Variants in PTPRG observed in about 807,000 individuals in gnomAD.
The protein encoded by PTPRG is receptor-type tyrosine-protein phosphatase gamma.
A neutral mutation model predicts 165.3 loss-of-function variants in PTPRG; 102 were observed. The ratio of observed to expected loss-of-function variants is 0.62; its 90% CI spans 0.53 to 0.73. The LOEUF (loss-of-function observed/expected upper bound fraction) is 0.73, where lower values mean the gene tolerates loss of function less well. PTPRG is among the 30% of genes least tolerant of loss of function. The pLI is 0.00. For missense variants in PTPRG, 1,866 were observed against 1,861.4 expected, an observed-to-expected ratio of 1.00 and a Z score of -0.05; for synonymous variants, 675 against 669.5, an observed-to-expected ratio of 1.01 and a Z score of -0.13.
At chr3:61,759,109 A>G (rs2033742221) in intron 2 of PTPRG, among the ~76,000 whole-genome samples, 2 of 151,974 alleles carry the variant, frequency 1.3e-5, no homozygotes, top group Non-Finnish European at 2.9e-5. Context: ...TCAGCTGGTA[A>G]TCTCCTATGA....
intron 2 of PTPRG, among the ~76,000 whole-genome samples, chr3:61,985,390 C>G (rs1399851549): frequency 6.6e-6 from 1 of 152,204 alleles, no homozygotes; most frequent in African/African-American, 2.4e-5. Flanking sequence ...ATTGCCTAGT[C>G]AGTTTCTTGA....
chr3:62,123,593 A>G (rs1703162982), intron 5 of PTPRG, among the ~76,000 whole-genome samples: 1 of 152,156 alleles, frequency 6.6e-6, no homozygotes, highest in African/African-American at 2.4e-5. Context: ...TTTTGTATAA[A>G]AGGGTTACGT....
chr3:61,659,564 G>A (rs1487622950), intron 1 of PTPRG: 1 of 640,780 alleles, frequency 1.6e-6, no homozygotes, highest in Non-Finnish European at 1.9e-6. Context: ...CACTTTCTTG[G>A]TAACCTTTGA....
At chr3:61,822,446 G>C (rs2035982146) in intron 2 of PTPRG, among the ~76,000 whole-genome samples, 1 of 152,130 alleles carries the variant, frequency 6.6e-6, no homozygotes, top group Non-Finnish European at 1.5e-5. Context: ...TTTATTTGCA[G>C]TAATTCACTA....
At chr3:61,617,415 C>G (rs1701327499) in intron 1 of PTPRG, among the ~76,000 whole-genome samples, 2 of 152,156 alleles carry the variant, frequency 1.3e-5, no homozygotes, top group Non-Finnish European at 2.9e-5. Context: ...GTGTACAGGC[C>G]ATTTATAAGG....
At chr3:61,662,241 A>C (rs1284717357) in intron 1 of PTPRG, among the ~76,000 whole-genome samples, 2 of 152,222 alleles carry the variant, frequency 1.3e-5, no homozygotes, top group Admixed American at 1.3e-4. Flanking sequence ...AATAAGGTTG[A>C]AGTGATAGTG....
intron 3 of PTPRG, among the ~76,000 whole-genome samples, chr3:61,999,901 T>C (rs2041129586): frequency 6.6e-6 from 1 of 152,230 alleles, no homozygotes; most frequent in African/African-American, 2.4e-5. Flanking sequence ...TATGATTTTC[T>C]TTTCTTTGAT....
chr3:61,681,300 A>G (rs1703433556), intron 1 of PTPRG, among the ~76,000 whole-genome samples: 1 of 152,194 alleles, frequency 6.6e-6, no homozygotes, highest in Non-Finnish European at 1.5e-5. Flanking sequence ...CCCAACCACA[A>G]AACTTGCTCA....
intron 1 of PTPRG, among the ~76,000 whole-genome samples, chr3:61,567,965 CAAAAA>C (rs11451025): frequency 1.6e-5 from 2 of 124,252 alleles, no homozygotes; most frequent in Non-Finnish European, 3.3e-5. Flanking sequence ...GACCCTGCCT[CAAAAA>C]AAAAAAAAAA....
chr3:62,031,427 C>T (rs1699766559), intron 4 of PTPRG, among the ~76,000 whole-genome samples: 1 of 152,074 alleles, frequency 6.6e-6, no homozygotes, highest in Non-Finnish European at 1.5e-5. Flanking sequence ...TTGCAGAAGT[C>T]TCGGATGGCT....
chr3:62,008,106 C>G (rs536308139), intron 4 of PTPRG, among the ~76,000 whole-genome samples: 22 of 152,160 alleles, frequency 1.4e-4, no homozygotes, highest in Non-Finnish European at 2.8e-4. Context: ...GTATCCTAAA[C>G]TTTTTTCCTA....
chr3:61,945,408 A>T (rs2039732111), intron 2 of PTPRG, among the ~76,000 whole-genome samples: 2 of 151,810 alleles, frequency 1.3e-5, no homozygotes, highest in Admixed American at 1.3e-4. Flanking sequence ...GAAAATACAA[A>T]ATTAGGTGGG....
intron 8 of PTPRG, among the ~76,000 whole-genome samples, chr3:62,189,057 C>T (rs1699738263): frequency 6.6e-6 from 1 of 152,122 alleles, no homozygotes; most frequent in Non-Finnish European, 1.5e-5. Context: ...ACTCCGCCCT[C>T]ATGTCTCCGT....
intron 4 of PTPRG, among the ~76,000 whole-genome samples, chr3:62,021,857 C>CTTTTTTTTT (rs398062374): frequency 1.9e-4 from 18 of 97,060 alleles, no homozygotes; most frequent in Non-Finnish European, 3.0e-4. Context: ...TTTTCCTTTT[C>CTTTTTTTTT]TTTTTTTTTT....
chr3:61,633,776 C>T (rs912240618), intron 1 of PTPRG, among the ~76,000 whole-genome samples: 2 of 152,016 alleles, frequency 1.3e-5, no homozygotes, highest in Non-Finnish European at 2.9e-5. Context: ...TATCTTGTAC[C>T]TTATCTTAGG....
chr3:61,594,106 A>G (rs1377151934), intron 1 of PTPRG, among the ~76,000 whole-genome samples: 1 of 152,218 alleles, frequency 6.6e-6, no homozygotes, highest in Non-Finnish European at 1.5e-5. Context: ...TATACTAGGC[A>G]TGGTTCTTAA....
intron 2 of PTPRG, among the ~76,000 whole-genome samples, chr3:61,760,906 T>G (rs1009681272): frequency 6.6e-6 from 1 of 152,250 alleles, no homozygotes; most frequent in Non-Finnish European, 1.5e-5. Context: ...TTCATTCACA[T>G]CCCTGCAAAG....
chr3:61,936,366 G>T (rs1319409521), intron 2 of PTPRG, among the ~76,000 whole-genome samples: 2 of 152,164 alleles, frequency 1.3e-5, no homozygotes, highest in African/African-American at 4.8e-5. Flanking sequence ...AGTACCAGGT[G>T]ACTTGAATCC....
At chr3:61,656,217 G>C (rs1417958587) in intron 1 of PTPRG, among the ~76,000 whole-genome samples, 6 of 152,170 alleles carry the variant, frequency 3.9e-5, no homozygotes. Flanking sequence ...GGGCAACAGA[G>C]CCTGACCCTG....
Sources: allele counts gnomAD v4.1 joint callset (sites outside exome capture counted in the v4.1 genomes callset), GRCh38; gene constraint gnomAD v4.1.1; transcripts MANE v1.5; gene names NCBI Gene and HGNC (gene_info 2026-07-23, HGNC 2026-07-21).